Variants in RABGAP1L observed in about 807,000 individuals in gnomAD.
The protein encoded by RABGAP1L is rab GTPase-activating protein 1-like.
Under a neutral mutation model 137.7 loss-of-function variants are expected in RABGAP1L, and 63 were observed. The observed-to-expected ratio is 0.46, with a 90% CI of 0.37 to 0.56. The LOEUF (loss-of-function observed/expected upper bound fraction) is 0.56, where lower values mean the gene tolerates loss of function less well. Among genes scored for constraint, RABGAP1L ranks in the 20% least tolerant of loss-of-function variants. The probability of loss-of-function intolerance (pLI) is 0.00; values close to 1 mark genes in which losing one functional copy is unlikely to be tolerated. For synonymous variants in RABGAP1L, 431 were observed against 433.7 expected, an observed-to-expected ratio of 0.99 and a Z score of 0.08; for missense variants, 1,095 against 1,244.0, an observed-to-expected ratio of 0.88 and a Z score of 1.80.
chr1:174,564,228 A>G (rs1667418564), intron 13 of RABGAP1L, among the ~76,000 whole-genome samples: 1 of 152,188 alleles, frequency 6.6e-6, no homozygotes. Context: ...GAAAACCACA[A>G]ACAAGATTGG....
chr1:174,881,639 G>A (rs115849271), intron 19 of RABGAP1L, among the ~76,000 whole-genome samples: 3,277 of 151,466 alleles, frequency 0.022, 53 homozygotes, highest in Middle Eastern at 0.082. Flanking sequence ...AGCTAGGATT[G>A]CAGGTGCTAG....
chr1:174,367,700 C>T (rs1424934540), intron 11 of RABGAP1L: 4 of 199,066 alleles, frequency 2.0e-5, no homozygotes, highest in Admixed American at 6.1e-5. Context: ...ACAATACATA[C>T]ATAGGACTAA....
At chr1:174,172,437 G>A (rs932880763) in intron 1 of RABGAP1L, among the ~76,000 whole-genome samples, 4 of 152,058 alleles carry the variant, frequency 2.6e-5, no homozygotes, top group Non-Finnish European at 4.4e-5. Context: ...ACCATTTTCC[G>A]TAATGTCTGT....
intron 1 of RABGAP1L, among the ~76,000 whole-genome samples, chr1:174,178,071 C>T (rs764102814): frequency 6.9e-4 from 105 of 152,308 alleles, no homozygotes; most frequent in Non-Finnish European, 1.3e-3. Context: ...TTACTTTGGG[C>T]ATATGGCCAT....
At chr1:174,395,502 C>T (rs941524781) in intron 13 of RABGAP1L, among the ~76,000 whole-genome samples, 6 of 151,856 alleles carry the variant, frequency 4.0e-5, no homozygotes, top group South Asian at 2.1e-4. Flanking sequence ...AAACATATGG[C>T]GGTTTAAACA....
chr1:174,548,604 C>G, intron 13 of RABGAP1L: 1 of 955,260 alleles, frequency 1.0e-6, no homozygotes, highest in Non-Finnish European at 1.2e-6. Context: ...CAGAAATTTG[C>G]AGAGGGCTTC....
chr1:174,836,003 A>G (rs1466727418), intron 19 of RABGAP1L, among the ~76,000 whole-genome samples: 3 of 152,230 alleles, frequency 2.0e-5, no homozygotes, highest in Non-Finnish European at 4.4e-5. Context: ...CAGAATCCCC[A>G]TGCCTACTTT....
chr1:174,477,460 A>C (rs550894317), intron 13 of RABGAP1L, among the ~76,000 whole-genome samples: 67 of 152,330 alleles, frequency 4.4e-4, no homozygotes, highest in African/African-American at 1.5e-3. Context: ...TGTAGAAAGT[A>C]GGAAAGGAAG....
At position 174,219,146 on chromosome 1, in the gene RABGAP1L, T is replaced by C; in HGVS notation, c.-12T>C. The C allele has an allele frequency of 6.3e-7, 1 of 1,586,166 alleles. No homozygotes were observed. On this transcript the variant is annotated 5_prime_UTR_variant, in exon 2 of 26. Coordinates refer to ENST00000681986, the MANE Select transcript of RABGAP1L (RefSeq NM_001366446.1). The stretch of plus-strand genomic sequence containing the variant: ...CCAGGTGGTTGTGGGAAGAGAAGTT[T>C]GCAGAACTGAAATGGAGGTCAGAGC...
intron 17 of RABGAP1L, among the ~76,000 whole-genome samples, chr1:174,740,692 C>T (rs2148649477): frequency 6.6e-6 from 1 of 152,172 alleles, no homozygotes; most frequent in African/African-American, 2.4e-5. Flanking sequence ...TTTACATTCC[C>T]ACCAACAGTG....
intron 19 of RABGAP1L, among the ~76,000 whole-genome samples, chr1:174,814,480 A>G (rs1690177830): frequency 6.6e-6 from 1 of 152,128 alleles, no homozygotes; most frequent in Admixed American, 6.5e-5. Context: ...GAAAGAAGGA[A>G]GACATAAGTC....
intron 13 of RABGAP1L, among the ~76,000 whole-genome samples, chr1:174,509,397 C>T (rs1177342708): frequency 1.3e-5 from 2 of 152,062 alleles, no homozygotes; most frequent in African/African-American, 2.4e-5. Context: ...CACCTAACTC[C>T]TACCTCCTCT....
At chr1:174,780,748 G>A (rs1245094148) in intron 18 of RABGAP1L, among the ~76,000 whole-genome samples, 1 of 126,026 alleles carries the variant, frequency 7.9e-6, no homozygotes, top group Non-Finnish European at 1.6e-5. Context: ...AGTCCCCGGT[G>A]TGTGATGTTC....
At position 174,362,138 on chromosome 1, in the gene RABGAP1L, A is replaced by G. The variant is rs1343026110; in HGVS notation, c.1466-8841A>G. Among the ~76,000 whole-genome samples the G allele has an allele frequency of 2.0e-5, 3 of 152,162 alleles. No homozygotes were observed. In the East Asian group the frequency reaches 5.8e-4, roughly 29 times the overall value. On this transcript the variant is annotated intron_variant, in intron 11 of 25. Coordinates refer to ENST00000681986, the MANE Select transcript of RABGAP1L (RefSeq NM_001366446.1). ...CTCATTTTTTTTATGGCTACATATT[A>G]TTCCATTGTGTGTATGTGCCACATT...
Position 174,877,654 on chromosome 1 carries a change from C to T in RABGAP1L, c.2340+65694C>T, listed in dbSNP as rs115083140. ...TCTGGTTCTGTATTTTCTTTTCTAA[C>T]ATGATATCTATACTCCTGTAGCAAC... On this transcript the variant is annotated intron_variant, in intron 19 of 25. Transcript: ENST00000681986. 3.1e-4 allele frequency: 478 copies of T among 1,566,936 alleles called. 4 individuals are homozygous for T. In the African/African-American group the frequency reaches 5.3e-3, roughly 17 times the overall value.
intron 13 of RABGAP1L, among the ~76,000 whole-genome samples, chr1:174,531,511 C>T (rs999286488): frequency 6.6e-5 from 10 of 151,984 alleles, no homozygotes; most frequent in Non-Finnish European, 1.3e-4. Context: ...GACAAGTATT[C>T]AAAATGAAAG....
At chr1:174,546,290 C>T (rs979814502) in intron 13 of RABGAP1L, among the ~76,000 whole-genome samples, 1 of 152,118 alleles carries the variant, frequency 6.6e-6, no homozygotes, top group African/African-American at 2.4e-5. Flanking sequence ...TATTAGACCA[C>T]CTACTTACAT....
In RABGAP1L at chr1:174,761,172, G is replaced by A. The variant is rs997385029; in HGVS notation, c.2211+8818G>A. Among the ~76,000 whole-genome samples the A allele has an allele frequency of 2.0e-5, 3 of 152,214 alleles. No homozygotes were observed. Among genetic ancestry groups the A allele is most frequent in the African/African-American group, 7.2e-5 (3 of 41,446 alleles). On this transcript the variant is annotated intron_variant, in intron 18 of 25. Coordinates refer to ENST00000681986, the MANE Select transcript of RABGAP1L (RefSeq NM_001366446.1). This position sits in a 1 kb window ranked among gnomAD's most constrained non-coding sequence, Gnocchi z 4.0. ...GAGCAAGTCACATCCAACATGGATG[G>A]CAGCAGACAAAGAGAGAGGGCTTGT...
chr1:174,786,264 T>C (rs571181192), intron 18 of RABGAP1L, among the ~76,000 whole-genome samples: 21 of 152,358 alleles, frequency 1.4e-4, no homozygotes, highest in South Asian at 8.3e-4. Flanking sequence ...TTTGTTAATA[T>C]TAGTTTAGGT....
Sources: allele counts gnomAD v4.1 joint callset (sites outside exome capture counted in the v4.1 genomes callset), GRCh38; gene constraint gnomAD v4.1.1; non-coding constraint Gnocchi (gnomAD v3.1); transcripts MANE v1.5; gene names NCBI Gene and HGNC (gene_info 2026-07-23, HGNC 2026-07-21).